Variants in OLFM4 observed in about 807,000 individuals in gnomAD.
OLFM4 encodes the protein olfactomedin 4.
A neutral mutation model predicts 25.5 loss-of-function variants in OLFM4; 22 were observed. That is an observed-to-expected ratio of 0.86 (90% CI 0.62 to 1.23). OLFM4 has a LOEUF of 1.23. OLFM4 is among the 50% of genes most tolerant of loss of function. The pLI is 0.00. For synonymous variants in OLFM4, 255 were observed against 237.7 expected (o/e 1.07, Z -0.67); for missense variants, 594 against 619.4 (o/e 0.96, Z 0.44).
intron 1 of OLFM4, among the ~76,000 whole-genome samples, chr13:53,032,053 G>A (rs73477226): frequency 0.044 from 6,647 of 152,262 alleles, 480 homozygotes; most frequent in African/African-American, 0.15. Flanking sequence ...TGAGCATGCT[G>A]GGCTGATGAT....
In OLFM4 at chr13:53,050,114, A is replaced by G. The variant is rs1295914524; in HGVS notation, c.876A>G (p.Pro292=). ...HPNKGLYWVA[P]LNTDGRLLEY... ...ACAAAGGACTGTATTGGGTGGCGCC[A>G]TTGAATACAGATGGGAGACTGTTGG... The change falls in exon 5 of 5, where the codon CCA becomes CCG. Residue 292 remains proline (P), a synonymous_variant. Transcript: ENST00000219022. 6.2e-7 allele frequency: 1 copy of G among 1,613,886 alleles called. No individual in the cohort carries two copies. Among genetic ancestry groups the G allele is most frequent in the Non-Finnish European group, 8.5e-7 (1 of 1,179,930 alleles).
Position 53,047,987 on chromosome 13 carries a change from A to G in OLFM4, c.731-1982A>G, listed in dbSNP as rs79737621. Among the ~76,000 whole-genome samples the G allele has an allele frequency of 7.7e-4, 118 of 152,328 alleles. 1 individual carries two copies. The highest frequency in any genetic ancestry group is 7.3e-3 in the East Asian group (38 of 5,178). On this transcript the variant is annotated intron_variant, in intron 4 of 4. Coordinates refer to ENST00000219022, the MANE Select transcript of OLFM4 (RefSeq NM_006418.5). ...TTGTCTTCCAACCTGAAAGAAAAAA[A>G]AGTGACTTTCCTCAGAGTGAAATGT...
In OLFM4 at chr13:53,049,959, G is replaced by T. The variant is rs1306218526; in HGVS notation, c.731-10G>T. The stretch of plus-strand genomic sequence containing the variant: ...TCTAAAAATGCCTTTTTATTTTCTT[G>T]TTTGTATAGGGAGCTGTGGTCATGG... On this transcript the variant is annotated splice_polypyrimidine_tract_variant and intron_variant, in intron 4 of 4. Coordinates refer to ENST00000219022, the MANE Select transcript of OLFM4 (RefSeq NM_006418.5). 6.4e-7 allele frequency: 1 copy of T among 1,566,900 alleles called. No homozygotes were observed. The highest frequency in any genetic ancestry group is 1.9e-5 in the Admixed American group (1 of 52,524).
chr13:53,042,694 A>G (rs1039453788), intron 3 of OLFM4, among the ~76,000 whole-genome samples: 14 of 152,222 alleles, frequency 9.2e-5, no homozygotes, highest in Non-Finnish European at 2.9e-5. Context: ...CAGTCATGAC[A>G]TGGGCTATAA....
At position 53,043,087 on chromosome 13, in the gene OLFM4, G is replaced by T; in HGVS notation, c.571-18G>T. The T allele has an allele frequency of 1.3e-6, 2 of 1,567,976 alleles. No individual in the cohort carries two copies. Among genetic ancestry groups the T allele is most frequent in the South Asian group, 2.4e-5 (2 of 83,674 alleles). ...TTGCACCATAATATAAAGTCACTCT[G>T]AATTTTTATTTCCTTAGATAAGAAA... On this transcript the variant is annotated intron_variant, in intron 3 of 4. Transcript: ENST00000219022.
Position 53,041,970 on chromosome 13 carries a change from C to T in OLFM4, c.418C>T (p.Arg140Ter), listed in dbSNP as rs200157912. The T allele has an allele frequency of 2.6e-5, 42 of 1,613,668 alleles. No homozygotes were observed. The Middle Eastern group carries it at 4.9e-4, about 19-fold the overall frequency. ...AAAGAAACTGTTAAACCTAACTGTC[C>T]GAATTGACATCATGGAGAAGGATAC... ...YEKKLLNLTVRIDIMEKDTIS... is the reference protein window; with the variant it reads ...YEKKLLNLTV Residue 140 changes from arginine to a stop codon, truncating the protein, a stop_gained, in exon 3 of 5, where the codon CGA (arginine) becomes TGA (stop). Coordinates refer to ENST00000219022, the MANE Select transcript of OLFM4 (RefSeq NM_006418.5). LOFTEE classifies it high-confidence loss of function.
At position 53,028,864 on chromosome 13, in the gene OLFM4, G is replaced by A. The variant is rs147407792; in HGVS notation, c.28G>A (p.Ala10Thr). 17 of 1,614,074 alleles carry A rather than the reference G, an allele frequency of 1.1e-5. No individual in the cohort carries two copies. The highest frequency in any genetic ancestry group is 1.4e-5 in the Non-Finnish European group (16 of 1,180,034). Reference protein sequence around the residue: MRPGLSFLLALLFFLGQAAG... With the variant: MRPGLSFLLTLLFFLGQAAG... ...GAGGCCCGGCCTCTCATTTCTCCTA[G>A]CCCTTCTGTTCTTCCTTGGCCAAGC... is the stretch of plus-strand genomic sequence containing the variant. The change falls in exon 1 of 5, where the codon GCC becomes ACC. Residue 10 changes from alanine to threonine, a missense_variant. Ala to Thr is a moderately conservative substitution (Grantham distance 58). Coordinates refer to ENST00000219022, the MANE Select transcript of OLFM4 (RefSeq NM_006418.5).
chr13:53,048,615 A>G (rs78121535), intron 4 of OLFM4, among the ~76,000 whole-genome samples: 2,008 of 152,286 alleles, frequency 0.013, 20 homozygotes, highest in Middle Eastern at 0.031. Context: ...ACCCAGAGAC[A>G]AAGGCTTTGC....
chr13:53,029,322 G>A (rs1279201277), intron 1 of OLFM4, among the ~76,000 whole-genome samples: 3 of 152,260 alleles, frequency 2.0e-5, no homozygotes, highest in Admixed American at 2.0e-4. Context: ...GGTGGCCGGG[G>A]GGACTCTAAA....
intron 1 of OLFM4, among the ~76,000 whole-genome samples, chr13:53,030,013 G>A (rs1685839094): frequency 1.3e-5 from 2 of 152,132 alleles, no homozygotes. Flanking sequence ...GGGTGGGGGA[G>A]TCTTATCTGG....
In OLFM4 at chr13:53,050,690, C is replaced by A; in HGVS notation, c.1452C>A (p.Asn484Lys). The A allele has an allele frequency of 3.7e-6, 6 of 1,613,604 alleles. No individual in the cohort carries two copies. Among genetic ancestry groups the A allele is most frequent in the Non-Finnish European group, 5.1e-6 (6 of 1,179,824 alleles). ...AAAAAGTGCAGAGCATTAACTATAACCCTTTTGACCAGAAACTTTATGTCT... is the reference window on the plus strand; with the variant it reads ...AAAAAGTGCAGAGCATTAACTATAAACCTTTTGACCAGAAACTTTATGTCT... ...MQEKVQSINY[N>K]PFDQKLYVYN... The change falls in exon 5 of 5, where the codon AAC becomes AAA. Residue 484 changes from asparagine to lysine, a missense_variant. By Grantham distance (94) the Asn-to-Lys change is moderately conservative (BLOSUM62 0). Coordinates refer to ENST00000219022, the MANE Select transcript of OLFM4 (RefSeq NM_006418.5).
At position 53,034,463 on chromosome 13, in the gene OLFM4, A is replaced by G. The variant is rs777347664; in HGVS notation, c.320A>G (p.His107Arg). The G allele has an allele frequency of 1.6e-5, 26 of 1,613,458 alleles. No individual in the cohort carries two copies. Among genetic ancestry groups the G allele is most frequent in the Non-Finnish European group, 2.0e-5 (24 of 1,179,872 alleles). Residue 107 changes from histidine (H) to arginine (R), a missense_variant, in exon 2 of 5, where the codon CAT becomes CGT. By Grantham distance (29) the His-to-Arg change is conservative. Coordinates refer to ENST00000219022, the MANE Select transcript of OLFM4 (RefSeq NM_006418.5). ...DRVERLEFTA[H>R]VLSQKFEKEL... ...GTGGAACGCTTGGAATTCACAGCTC[A>G]TGTTCTTTCTCAGAAGTTTGAGAAA... is the stretch of plus-strand genomic sequence containing the variant.
intron 2 of OLFM4, among the ~76,000 whole-genome samples, chr13:53,038,294 T>C (rs1954670026): frequency 6.6e-6 from 1 of 152,168 alleles, no homozygotes; most frequent in African/African-American, 2.4e-5. Context: ...ACCACTTTTC[T>C]AGATCAAAAT....
At chr13:53,042,650 T>A (rs1481509700) in intron 3 of OLFM4, among the ~76,000 whole-genome samples, 1 of 152,190 alleles carries the variant, frequency 6.6e-6, no homozygotes, top group Non-Finnish European at 1.5e-5. Context: ...AACGTTATGG[T>A]TGGGTAATTT....
intron 4 of OLFM4, among the ~76,000 whole-genome samples, chr13:53,044,331 G>A (rs558684882): frequency 6.8e-4 from 104 of 152,270 alleles, no homozygotes; most frequent in Non-Finnish European, 1.2e-3. Flanking sequence ...ATGACACAGG[G>A]ACCTTCTCTC....
At chr13:53,043,373 T>TG in intron 4 of OLFM4, 109 bp downstream of exon 4, 1 of 588,724 alleles carries the variant, frequency 1.7e-6, no homozygotes, top group Non-Finnish European at 2.3e-6. Context: ...GGTGGGTTGT[T>TG]TTTTTTTTTT....
At chr13:53,045,126 G>A (rs1162687187) in intron 4 of OLFM4, among the ~76,000 whole-genome samples, 1 of 152,096 alleles carries the variant, frequency 6.6e-6, no homozygotes, top group Non-Finnish European at 1.5e-5. Flanking sequence ...CAGGACCGAA[G>A]GTGTCAGGCA....
chr13:53,047,196 G>A (rs2138241749), intron 4 of OLFM4, among the ~76,000 whole-genome samples: 1 of 152,322 alleles, frequency 6.6e-6, no homozygotes, highest in South Asian at 2.1e-4. Context: ...GATGGAAACT[G>A]GGTATGAAGT....
At chr13:53,039,976 C>T (rs1954679090) in intron 2 of OLFM4, among the ~76,000 whole-genome samples, 1 of 152,170 alleles carries the variant, frequency 6.6e-6, no homozygotes. Context: ...GTTAGGATTG[C>T]TTTTGGTATA....
Sources: gnomAD v4.1 joint callset for allele counts (sites outside exome capture counted in the v4.1 genomes callset) on GRCh38, gnomAD v4.1.1 for gene constraint, MANE v1.5 for transcripts, NCBI Gene and HGNC (gene_info 2026-07-23, HGNC 2026-07-21) for gene names.